RAPGEF1: variants seen among roughly 807,000 people sequenced by gnomAD.
The protein encoded by RAPGEF1 is CRK SH3-binding GNRP.
In RAPGEF1, 33 loss-of-function variants were observed where a neutral mutation model predicts 143.3. The observed-to-expected ratio is 0.23, with a 90% CI of 0.17 to 0.31. The LOEUF is 0.31. Ranked by LOEUF, RAPGEF1 falls within the 10% of genes least tolerant of loss-of-function variation. The probability of loss-of-function intolerance (pLI) is 1.00; values close to 1 mark genes in which losing one functional copy is unlikely to be tolerated. For missense variants in RAPGEF1, 1,199 were observed against 1,645.4 expected (o/e 0.73, Z 4.69); for synonymous variants, 629 against 676.5 (o/e 0.93, Z 1.09).
At chr9:131,699,864 T>A (rs1834497215) in intron 1 of RAPGEF1, among the ~76,000 whole-genome samples, 1 of 152,178 alleles carries the variant, frequency 6.6e-6, no homozygotes, top group African/African-American at 2.4e-5. Context: ...CCCAGTCTCA[T>A]AGCTTTAAAC....
At chr9:131,689,426 A>T (rs1833612015) in intron 1 of RAPGEF1, among the ~76,000 whole-genome samples, 1 of 152,226 alleles carries the variant, frequency 6.6e-6, no homozygotes. Context: ...ATTAGTTTTA[A>T]GAAGCATTTC....
rs765201863 is a variant in RAPGEF1, at chr9:131,628,515, T to C, written c.1017+34A>G. On this transcript the variant is annotated intron_variant, in intron 8 of 26. Transcript: ENST00000683357. The surrounding 1 kb of genome is among the most constrained non-coding windows in gnomAD (Gnocchi z 5.7). Reference sequence around the variant, plus strand: ...ATCCCTGAGCCCCCCACCCCCTCCCTGCCTTCCCATGCAGGGAACAGGGGC... The same window carrying C: ...ATCCCTGAGCCCCCCACCCCCTCCCCGCCTTCCCATGCAGGGAACAGGGGC... The C allele has an allele frequency of 1.6e-5, 26 of 1,602,576 alleles. No homozygotes were observed. The Middle Eastern group carries it at 5.5e-4, about 34-fold the overall frequency.
chr9:131,626,502 G>A (rs939269849), intron 9 of RAPGEF1, 80 bp from the exon 10 acceptor site: 41 of 1,423,788 alleles, frequency 2.9e-5, no homozygotes, highest in Non-Finnish European at 3.3e-5. Flanking sequence ...CCCGCCTCTC[G>A]CCGGCTCGCT....
chr9:131,716,665 C>T (rs911725881), intron 1 of RAPGEF1, among the ~76,000 whole-genome samples: 1 of 152,096 alleles, frequency 6.6e-6, no homozygotes, highest in Non-Finnish European at 1.5e-5. Flanking sequence ...CACAGCTACT[C>T]GGGGGGCTGA....
At chr9:131,598,659 A>T (rs1030479252) in intron 15 of RAPGEF1, 19 of 432,464 alleles carry the variant, frequency 4.4e-5, no homozygotes, top group Admixed American at 3.3e-4. Context: ...GGCAAGCAGA[A>T]TGGGAGAGAA....
chr9:131,685,936 T>G (rs144823203), intron 1 of RAPGEF1, among the ~76,000 whole-genome samples: 1 of 152,228 alleles, frequency 6.6e-6, no homozygotes, highest in African/African-American at 2.4e-5. Flanking sequence ...CTCTCCAATT[T>G]AGTCAGAGCA....
chr9:131,656,580 TG>T (rs5900949), intron 1 of RAPGEF1, among the ~76,000 whole-genome samples: 13,342 of 152,260 alleles, frequency 0.088, 720 homozygotes, highest in East Asian at 0.25. Flanking sequence ...ATCTTCAGGC[TG>T]GGTGAGCCAA....
At chr9:131,722,788 C>T (rs1314479248) in intron 1 of RAPGEF1, among the ~76,000 whole-genome samples, 1 of 151,846 alleles carries the variant, frequency 6.6e-6, no homozygotes, top group Non-Finnish European at 1.5e-5. Flanking sequence ...ATTCCTTGAG[C>T]CCAGGAGTTT....
chr9:131,597,855 GT>G (rs1281611615), intron 16 of RAPGEF1, among the ~76,000 whole-genome samples: 2 of 152,120 alleles, frequency 1.3e-5, no homozygotes, highest in African/African-American at 4.8e-5. Context: ...CACAGAAAAA[GT>G]TTCCCATTAG....
chr9:131,651,076 A>T, intron 1 of RAPGEF1, 127 bp from the exon 2 acceptor site: 12 of 1,216,934 alleles, frequency 9.9e-6, no homozygotes, highest in Non-Finnish European at 1.2e-5. Context: ...GTTTCAAGGG[A>T]AAGGACGTAT....
chr9:131,647,704 T>C (rs1970016388), intron 3 of RAPGEF1, among the ~76,000 whole-genome samples: 1 of 152,210 alleles, frequency 6.6e-6, no homozygotes. Flanking sequence ...CGCATTTACT[T>C]GTCCCACGCA....
At chr9:131,712,711 C>G (rs1418334443) in intron 1 of RAPGEF1, among the ~76,000 whole-genome samples, 1 of 152,180 alleles carries the variant, frequency 6.6e-6, no homozygotes, top group Non-Finnish European at 1.5e-5. Context: ...AAAAACGCAT[C>G]CTAGGTTCCA....
chr9:131,638,897 G>C (rs1318450618), intron 4 of RAPGEF1, 106 bp from the exon 5 acceptor site: 2 of 1,202,944 alleles, frequency 1.7e-6, no homozygotes, highest in Non-Finnish European at 2.3e-6. Flanking sequence ...AACTTTCTTT[G>C]TGCAAAATCC....
intron 12 of RAPGEF1, among the ~76,000 whole-genome samples, chr9:131,612,767 A>T (rs994933220): frequency 1.3e-5 from 2 of 152,238 alleles, no homozygotes; most frequent in African/African-American, 4.8e-5. Context: ...AGAGTGGAAA[A>T]GCACAGGGGG....
chr9:131,660,592 T>C (rs147613219), intron 1 of RAPGEF1, among the ~76,000 whole-genome samples: 3 of 152,328 alleles, frequency 2.0e-5, no homozygotes, highest in East Asian at 3.9e-4. Context: ...CTTCAAACAA[T>C]GCTGCGTTGA....
intron 1 of RAPGEF1, among the ~76,000 whole-genome samples, chr9:131,700,967 T>C (rs1402493410): frequency 6.6e-6 from 1 of 152,186 alleles, no homozygotes; most frequent in African/African-American, 2.4e-5. Flanking sequence ...AAAATATTCA[T>C]GACTTGGCAC....
In RAPGEF1 at chr9:131,584,335, C is replaced by T. The variant is rs1231562426; in HGVS notation, c.3390G>A (p.Leu1130=). Residue 1130 remains leucine (L), a synonymous_variant, in exon 24 of 27, where the codon CTG becomes CTA. Coordinates refer to ENST00000683357, the MANE Select transcript of RAPGEF1 (RefSeq NM_001377935.1). This position sits in a 1 kb window ranked among gnomAD's most constrained non-coding sequence, Gnocchi z 6.8. The stretch of plus-strand genomic sequence containing the variant: ...CCTCTGAAGTCTGCTTCTGCCACTC[C>T]AGCCTGCGGATGGGCGCCGAGTCCA... ...SALDSAPIRR[L]EWQKQTSEGL... is the part of the protein sequence containing the mutation. 1 of 1,613,088 alleles carries T rather than the reference C, an allele frequency of 6.2e-7. No individual in the cohort carries two copies. The highest frequency in any genetic ancestry group is 8.5e-7 in the Non-Finnish European group (1 of 1,179,498).
chr9:131,715,466 C>A (rs1158480565), intron 1 of RAPGEF1, among the ~76,000 whole-genome samples: 1 of 152,034 alleles, frequency 6.6e-6, no homozygotes, highest in Non-Finnish European at 1.5e-5. Flanking sequence ...AGGGCTTTGT[C>A]TCATGGGCTT....
chr9:131,680,431 CGG>C (rs1383705295), intron 1 of RAPGEF1, among the ~76,000 whole-genome samples: 1 of 152,192 alleles, frequency 6.6e-6, no homozygotes, highest in Non-Finnish European at 1.5e-5. Flanking sequence ...TGGTCATAAA[CGG>C]AATCTCTGCA....
Sources: allele counts gnomAD v4.1 joint callset (sites outside exome capture counted in the v4.1 genomes callset), GRCh38; gene constraint gnomAD v4.1.1; non-coding constraint Gnocchi (gnomAD v3.1); transcripts MANE v1.5; gene names NCBI Gene and HGNC (gene_info 2026-07-23, HGNC 2026-07-21).